The following PLEKHA5 variants were observed in gnomAD, a reference collection of about 807,000 sequenced individuals.
PLEKHA5 encodes the protein pleckstrin homology domain containing A5.
A neutral mutation model predicts 181.9 loss-of-function variants in PLEKHA5; 55 were observed. The observed-to-expected ratio is 0.30, with a 90% CI of 0.24 to 0.38. The LOEUF is 0.38. PLEKHA5 is among the 10% of genes least tolerant of loss of function. PLEKHA5 has a pLI of 1.00. For synonymous variants in PLEKHA5, 535 were observed against 529.4 expected, an observed-to-expected ratio of 1.01 and a Z score of -0.15; for missense variants, 1,432 against 1,549.5, an observed-to-expected ratio of 0.92 and a Z score of 1.27.
chr12:19,331,531 A>C (rs1487332967), intron 20 of PLEKHA5, among the ~76,000 whole-genome samples: 2 of 152,158 alleles, frequency 1.3e-5, no homozygotes, highest in Non-Finnish European at 2.9e-5. Flanking sequence ...TAAAGGACAT[A>C]GTATATATCT....
At chr12:19,249,968 G>A (rs1202486802) in intron 3 of PLEKHA5, among the ~76,000 whole-genome samples, 1 of 152,156 alleles carries the variant, frequency 6.6e-6, no homozygotes, top group Non-Finnish European at 1.5e-5. Flanking sequence ...TGACCTTTCT[G>A]GAGGTTTATT....
At chr12:19,294,808 A>G (rs1376415786) in intron 15 of PLEKHA5, among the ~76,000 whole-genome samples, 1 of 152,216 alleles carries the variant, frequency 6.6e-6, no homozygotes, top group African/African-American at 2.4e-5. Flanking sequence ...AGATTTACAT[A>G]TTAAGCAGGC....
intron 20 of PLEKHA5, among the ~76,000 whole-genome samples, chr12:19,335,582 A>ATT (rs34158055): frequency 0.084 from 9,034 of 107,846 alleles, 425 homozygotes; most frequent in Admixed American, 0.16. Flanking sequence ...CGCCTGGCTA[A>ATT]TTTTTTTTTT....
At chr12:19,289,070 G>A (rs1022534239) in intron 13 of PLEKHA5, among the ~76,000 whole-genome samples, 1 of 152,146 alleles carries the variant, frequency 6.6e-6, no homozygotes, top group Non-Finnish European at 1.5e-5. Context: ...GACCTCAAGT[G>A]TTGGAGATGA....
At chr12:19,337,212 T>C (rs1002552134) in intron 21 of PLEKHA5, among the ~76,000 whole-genome samples, 1 of 151,820 alleles carries the variant, frequency 6.6e-6, no homozygotes, top group Admixed American at 6.6e-5. Context: ...AGCAAACAGA[T>C]CTGAGACCTA....
chr12:19,315,716 A>G (rs1479782212), intron 16 of PLEKHA5, among the ~76,000 whole-genome samples: 1 of 152,182 alleles, frequency 6.6e-6, no homozygotes, highest in African/African-American at 2.4e-5. Context: ...ATTAACTAAC[A>G]TGAAAAATGA....
At chr12:19,321,773 A>C (rs2090926503) in intron 18 of PLEKHA5, 1 of 152,150 alleles carries the variant, frequency 6.6e-6, no homozygotes, top group Non-Finnish European at 1.5e-5. Flanking sequence ...CAAAGAAAGT[A>C]AAGTCTCAAA....
At chr12:19,354,484 TG>T (rs1406925950) in intron 26 of PLEKHA5, among the ~76,000 whole-genome samples, 1 of 136,162 alleles carries the variant, frequency 7.3e-6, no homozygotes, top group African/African-American at 2.8e-5. Flanking sequence ...AAAAAAAAAT[TG>T]TTTTTTTTTT....
At chr12:19,323,044 A>G (rs1181630860) in intron 20 of PLEKHA5, among the ~76,000 whole-genome samples, 2 of 88,556 alleles carry the variant, frequency 2.3e-5, no homozygotes, top group Non-Finnish European at 4.4e-5. Context: ...TTTTTTTTTC[A>G]TAGAAATGGG....
At chr12:19,226,232 A>T (rs111301019) in intron 3 of PLEKHA5, among the ~76,000 whole-genome samples, 1 of 152,094 alleles carries the variant, frequency 6.6e-6, no homozygotes. Context: ...ACTTAGCATA[A>T]TGGTTTTGTG....
intron 3 of PLEKHA5, among the ~76,000 whole-genome samples, chr12:19,205,921 A>G (rs767350919): frequency 6.6e-6 from 1 of 152,272 alleles, no homozygotes; most frequent in African/African-American, 2.4e-5. Context: ...AGTAATATGT[A>G]CACATATTAT....
At chr12:19,246,681 A>AT (rs1232800651) in intron 3 of PLEKHA5, among the ~76,000 whole-genome samples, 1 of 151,474 alleles carries the variant, frequency 6.6e-6, no homozygotes, top group Non-Finnish European at 1.5e-5. Context: ...TCAAATTCTG[A>AT]TTTTTAAATA....
At position 19,283,615 on chromosome 12, in the gene PLEKHA5, C is replaced by T. The variant is rs772110963; in HGVS notation, c.1649C>T (p.Ser550Leu). The T allele has an allele frequency of 6.2e-7, 1 of 1,614,062 alleles. No individual in the cohort carries two copies. The highest frequency in any genetic ancestry group is 1.7e-5 in the Admixed American group (1 of 60,022). The change falls in exon 12 of 32, where the codon TCA (serine) becomes TTA (leucine). Residue 550 changes from serine to leucine, a missense_variant. Physicochemically the swap from Ser to Leu is moderately radical, Grantham distance 145 (BLOSUM62 -2). Transcript: ENST00000429027. ...SDQTMHSIPT[S>L]PSHGSIAAYQ... is the part of the protein sequence containing the mutation. ...CAGACAATGCACTCTATTCCCACATCACCTTCCCACGGGTCAATAGCTGCT... is the reference window on the plus strand; with the variant it reads ...CAGACAATGCACTCTATTCCCACATTACCTTCCCACGGGTCAATAGCTGCT...
At chr12:19,335,393 CTCTT>C (rs1266160179) in intron 20 of PLEKHA5, among the ~76,000 whole-genome samples, 3 of 151,020 alleles carry the variant, frequency 2.0e-5, no homozygotes. Context: ...AATAAGATAG[CTCTT>C]TATTTTTTTT....
chr12:19,156,895 C>CAAA (rs3056381), intron 3 of PLEKHA5, among the ~76,000 whole-genome samples: 73 of 130,540 alleles, frequency 5.6e-4, no homozygotes, highest in African/African-American at 1.3e-3. Flanking sequence ...CAAAAAATAC[C>CAAA]AAAAAAAAAA....
chr12:19,359,692 G>C, intron 28 of PLEKHA5, 146 bp downstream of exon 28: 1 of 753,328 alleles, frequency 1.3e-6, no homozygotes, highest in East Asian at 2.7e-5. Flanking sequence ...GGCCGGGCGC[G>C]GTGGCTCACG....
rs780936623 is a variant in PLEKHA5 at position 19,322,537 on chromosome 12, T to C, written c.2318T>C (p.Leu773Ser). The C allele has an allele frequency of 3.1e-6, 5 of 1,613,924 alleles. No individual in the cohort carries two copies. The Middle Eastern group carries it at 4.9e-4, about 159-fold the overall frequency. ...HKEKYTLEQA[L>S]LSASQEIEMH... ...TAATAGTACACGCTTGAGCAAGCTT[T>C]GCTATCAGCCAGCCAAGAGATAGAA... Residue 773 changes from leucine (L) to serine (S), a missense_variant, in exon 20 of 32, where the codon TTG (leucine) becomes TCG (serine). Leu to Ser is a moderately radical substitution (Grantham distance 145, BLOSUM62 -2). Around this residue, in one of 2 missense-constraint regions of PLEKHA5, gnomAD observed 1,143 missense variants for 1,168.4 expected, o/e 0.98. Transcript: ENST00000429027.
intron 8 of PLEKHA5, among the ~76,000 whole-genome samples, 173 bp downstream of exon 8, chr12:19,266,023 C>T (rs956113089): frequency 1.3e-5 from 2 of 152,160 alleles, no homozygotes; most frequent in South Asian, 2.1e-4. Context: ...TTAGGAAGCA[C>T]GTGCTAAAAT....
At chr12:19,152,166 A>T (rs1322028583) in intron 3 of PLEKHA5, 1 of 152,152 alleles carries the variant, frequency 6.6e-6, no homozygotes, top group Non-Finnish European at 1.5e-5. Context: ...GCGCCCGGCC[A>T]CATTTTTTTT....
Sources: allele counts gnomAD v4.1 joint callset (sites outside exome capture counted in the v4.1 genomes callset), GRCh38; gene constraint gnomAD v4.1.1; regional missense constraint gnomAD v4.1.1; transcripts MANE v1.5; gene names NCBI Gene and HGNC (gene_info 2026-07-23, HGNC 2026-07-21).